The following NEGR1 variants were observed in gnomAD, a reference collection of about 807,000 sequenced individuals.
NEGR1 encodes the protein neuronal growth regulator 1.
Under a neutral mutation model 40.9 loss-of-function variants are expected in NEGR1, and 10 were observed. That is an observed-to-expected ratio of 0.24 (90% CI 0.15 to 0.42). NEGR1 has a LOEUF of 0.42. Among genes scored for constraint, NEGR1 ranks in the 10% least tolerant of loss-of-function variants. The pLI, the probability that NEGR1 is intolerant of heterozygous loss-of-function variation, is 1.00. For synonymous variants in NEGR1, 185 were observed against 166.8 expected (o/e 1.11, Z -0.84); for missense variants, 352 against 438.9 (o/e 0.80, Z 1.77).
rs147903305 is a variant in NEGR1, at chr1:71,547,061, A to G, written c.940+45756T>C. ...GCTTTTGCTCTTATTTTTAAAACAA[A>G]TTTTCTAACACTTATGACCTTATTG... On this transcript the variant is annotated intron_variant, in intron 6 of 6. Coordinates refer to ENST00000357731, the MANE Select transcript of NEGR1 (RefSeq NM_173808.3). Among the ~76,000 whole-genome samples, 8 of 151,822 alleles carry G rather than the reference A, an allele frequency of 5.3e-5. No homozygotes were observed. In the South Asian group the frequency reaches 8.3e-4, roughly 16 times the overall value.
intron 6 of NEGR1, among the ~76,000 whole-genome samples, chr1:71,460,124 G>A (rs556134699): frequency 6.6e-6 from 1 of 152,178 alleles, no homozygotes; most frequent in Non-Finnish European, 1.5e-5. Flanking sequence ...ACTAATGTTA[G>A]TTGAATAAAT....
rs138464296 is a variant in NEGR1 at position 71,715,066 on chromosome 1, C to A, written c.536-16927G>T. ...TTCCATATATCCTCTGAAATCTAGG[C>A]AGAGGTTCCCAAACCTCGATTCTTG... On this transcript the variant is annotated intron_variant, in intron 3 of 6. Transcript: ENST00000357731. Among the ~76,000 whole-genome samples, 766 of 152,316 alleles carry A rather than the reference C, an allele frequency of 5.0e-3. 5 individuals are homozygous for A. Among genetic ancestry groups the A allele is most frequent in the African/African-American group, 0.017 (722 of 41,562 alleles).
intron 4 of NEGR1, among the ~76,000 whole-genome samples, chr1:71,688,444 T>A (rs1198400698): frequency 1.0e-5 from 1 of 99,818 alleles, no homozygotes; most frequent in African/African-American, 4.5e-5. Flanking sequence ...GATATATATA[T>A]AAAAGATATG....
chr1:71,570,694 G>A (rs1648783672), intron 6 of NEGR1, among the ~76,000 whole-genome samples: 3 of 151,242 alleles, frequency 2.0e-5, no homozygotes, highest in South Asian at 2.1e-4. Flanking sequence ...GTTCTGAAAC[G>A]TTACTGGATG....
chr1:71,445,134 T>A (rs1427602107), intron 6 of NEGR1, among the ~76,000 whole-genome samples: 1 of 152,138 alleles, frequency 6.6e-6, no homozygotes, highest in East Asian at 1.9e-4. Context: ...GCAGTAACAC[T>A]AATACACTTT....
At chr1:71,589,357 G>A (rs914124034) in intron 6 of NEGR1, among the ~76,000 whole-genome samples, 1 of 151,924 alleles carries the variant, frequency 6.6e-6, no homozygotes, top group Non-Finnish European at 1.5e-5. Context: ...TTCTGTTCTT[G>A]GTAATCTTAT....
intron 1 of NEGR1, among the ~76,000 whole-genome samples, chr1:72,033,492 A>G (rs1646876693): frequency 6.6e-6 from 1 of 152,180 alleles, no homozygotes; most frequent in Non-Finnish European, 1.5e-5. Context: ...TCCATAAACG[A>G]TGCTGTTTCT....
intron 1 of NEGR1, among the ~76,000 whole-genome samples, chr1:72,234,383 A>T (rs1654481165): frequency 6.6e-6 from 1 of 152,084 alleles, no homozygotes; most frequent in Non-Finnish European, 1.5e-5. Flanking sequence ...TCATGAGCAG[A>T]TGCCAAAAGC....
At chr1:71,996,579 TC>T (rs1473258891) in intron 1 of NEGR1, among the ~76,000 whole-genome samples, 6 of 152,134 alleles carry the variant, frequency 3.9e-5, no homozygotes, top group Non-Finnish European at 8.8e-5. Context: ...GATTTTTTAC[TC>T]AACTATCCCT....
At chr1:71,635,658 G>T (rs1651123465) in intron 4 of NEGR1, among the ~76,000 whole-genome samples, 1 of 152,062 alleles carries the variant, frequency 6.6e-6, no homozygotes, top group Non-Finnish European at 1.5e-5. Flanking sequence ...CAGCTGTCTG[G>T]TAAACCTAAC....
intron 1 of NEGR1, among the ~76,000 whole-genome samples, chr1:72,027,441 G>A (rs1646821629): frequency 6.6e-6 from 1 of 151,782 alleles, no homozygotes; most frequent in Admixed American, 6.6e-5. Context: ...TAGATTCCAT[G>A]TAAAATACAA....
At chr1:71,877,671 T>C (rs981375782) in intron 2 of NEGR1, among the ~76,000 whole-genome samples, 7 of 152,150 alleles carry the variant, frequency 4.6e-5, no homozygotes, top group South Asian at 2.1e-4. Flanking sequence ...CTGCCATTGA[T>C]AAAAAATAGA....
chr1:71,436,290 A>G (rs911060192), intron 6 of NEGR1, among the ~76,000 whole-genome samples: 14 of 152,058 alleles, frequency 9.2e-5, no homozygotes, highest in Non-Finnish European at 1.8e-4. Context: ...GAAATTTAAG[A>G]ACTAATAGAT....
At chr1:71,592,250 G>C (rs1649526656) in intron 6 of NEGR1, among the ~76,000 whole-genome samples, 1 of 151,992 alleles carries the variant, frequency 6.6e-6, no homozygotes, top group African/African-American at 2.4e-5. Context: ...TAGGAAGTAA[G>C]ATACATTAGA....
rs140078439 is a variant in NEGR1 at position 71,466,709 on chromosome 1, A to G, written c.941-59139T>C. ...GTGGAGCATGTTTGGCTTATAACCA[A>G]GGCAGTAAGGAGGCTGGTGTACATG... On this transcript the variant is annotated intron_variant, in intron 6 of 6. Transcript: ENST00000357731. Among the ~76,000 whole-genome samples, 27 of 152,232 alleles carry G rather than the reference A, an allele frequency of 1.8e-4. 1 individual carries two copies. The East Asian group carries it at 2.1e-3, about 12-fold the overall frequency.
chr1:71,922,494 T>G (rs11209869), intron 2 of NEGR1, among the ~76,000 whole-genome samples: 30,250 of 152,156 alleles, frequency 0.2, 4,305 homozygotes, highest in African/African-American at 0.41. Flanking sequence ...TATTTTCAAT[T>G]ATGTTCAAAA....
chr1:71,616,800 C>T (rs1412774782), intron 4 of NEGR1, among the ~76,000 whole-genome samples: 1 of 152,182 alleles, frequency 6.6e-6, no homozygotes, highest in African/African-American at 2.4e-5. Context: ...AACCAAACAT[C>T]ACTGGAGAGC....
At chr1:71,752,701 T>C (rs1415312183) in intron 3 of NEGR1, among the ~76,000 whole-genome samples, 2 of 149,560 alleles carry the variant, frequency 1.3e-5, no homozygotes, top group Non-Finnish European at 2.9e-5. Flanking sequence ...AATCAAATAC[T>C]ATGGAATCAA....
chr1:71,628,745 C>A (rs1274580548), intron 4 of NEGR1, among the ~76,000 whole-genome samples: 1 of 151,950 alleles, frequency 6.6e-6, no homozygotes, highest in African/African-American at 2.4e-5. Context: ...GACATGAACT[C>A]ATCCTTTTTT....
Sources: allele counts gnomAD v4.1 joint callset (sites outside exome capture counted in the v4.1 genomes callset), GRCh38; gene constraint gnomAD v4.1.1; transcripts MANE v1.5; gene names NCBI Gene and HGNC (gene_info 2026-07-23, HGNC 2026-07-21).